The following AADAT variants were observed in gnomAD, a reference collection of about 807,000 sequenced individuals.
AADAT encodes the protein kynurenine/alpha-aminoadipate aminotransferase, mitochondrial.
AADAT carries 25 observed loss-of-function variants against 56.2 expected under a neutral mutation model. That is an observed-to-expected ratio of 0.44 (90% CI 0.32 to 0.62). AADAT has a LOEUF of 0.62. AADAT is among the 20% of genes least tolerant of loss of function. The probability of loss-of-function intolerance (pLI) is 0.04; values close to 1 mark genes in which losing one functional copy is unlikely to be tolerated. For synonymous variants in AADAT, 173 were observed against 164.7 expected, an observed-to-expected ratio of 1.05 and a Z score of -0.39; for missense variants, 387 against 510.5, an observed-to-expected ratio of 0.76 and a Z score of 2.33.
Position 170,089,844 on chromosome 4 carries a change from C to A in AADAT, c.-154G>T, listed in dbSNP as rs1032568418. ...TGCGTCTGGCTTCCCGCGCGCGGTGCCCGGAGAACGCCGCCGAAACTCCCC... is the reference window on the plus strand; with the variant it reads ...TGCGTCTGGCTTCCCGCGCGCGGTGACCGGAGAACGCCGCCGAAACTCCCC... On this transcript the variant is annotated 5_prime_UTR_variant, in exon 1 of 13. Transcript: ENST00000337664. 16 of 729,658 alleles carry A rather than the reference C, an allele frequency of 2.2e-5. No homozygotes were observed. Among genetic ancestry groups the A allele is most frequent in the Middle Eastern group, 5.1e-4 (2 of 3,886 alleles). 45.2% of individuals were successfully genotyped at this position (729,658 alleles called of 1,614,324 possible). A position where few individuals can be genotyped will look rare whatever the true frequency, so the allele number is the denominator to read the frequency against.
chr4:170,061,792 A>G, intron 12 of AADAT, 100 bp downstream of exon 12: 1 of 799,618 alleles, frequency 1.3e-6, no homozygotes, highest in Non-Finnish European at 1.8e-6. Context: ...TTAGAAACCC[A>G]AACAGATATT....
Position 170,067,369 on chromosome 4 carries a change from A to G in AADAT, c.920T>C (p.Leu307Pro). The change falls in exon 9 of 13, where the codon CTA (leucine) becomes CCA (proline). Residue 307 changes from leucine (L) to proline (P), a missense_variant. Physicochemically the swap from Leu to Pro is moderately conservative, Grantham distance 98. Coordinates refer to ENST00000337664, the MANE Select transcript of AADAT (RefSeq NM_016228.4). ...GAAACCTTCTTCTCCCCATTCGTGT[A>G]GAAGCTGTGATATCATGAGCTAAAA... ...TFNQLMISQL[L>P]HEWGEEGFMA... The G allele has an allele frequency of 6.2e-7, 1 of 1,613,566 alleles. No homozygotes were observed.
chr4:170,078,086 T>C (rs1242019220), intron 4 of AADAT, among the ~76,000 whole-genome samples: 1 of 152,148 alleles, frequency 6.6e-6, no homozygotes, highest in East Asian at 1.9e-4. Context: ...GGATCTAACC[T>C]TGGAATGGAA....
At chr4:170,071,200 A>G (rs1274463050) in intron 5 of AADAT, among the ~76,000 whole-genome samples, 1 of 152,244 alleles carries the variant, frequency 6.6e-6, no homozygotes, top group Admixed American at 6.5e-5. Context: ...GGCGTGAGCC[A>G]CTGCGCCCAG....
At chr4:170,062,159 AT>A (rs1731224377) in intron 11 of AADAT, among the ~76,000 whole-genome samples, 166 bp from the exon 12 acceptor site, 1 of 152,248 alleles carries the variant, frequency 6.6e-6, no homozygotes, top group Non-Finnish European at 1.5e-5. Flanking sequence ...ATGTCATACA[AT>A]GAACAAAACT....
intron 3 of AADAT, among the ~76,000 whole-genome samples, chr4:170,079,554 G>C (rs756434041): frequency 1.4e-4 from 22 of 152,164 alleles, no homozygotes; most frequent in Admixed American, 5.9e-4. Context: ...GAACAGGTAA[G>C]GGTCATCTTA....
intron 9 of AADAT, 147 bp from the exon 10 acceptor site, chr4:170,066,625 A>G: frequency 8.2e-6 from 5 of 607,432 alleles, no homozygotes; most frequent in Non-Finnish European, 8.8e-6. Flanking sequence ...TATTTGTTTC[A>G]CTTGTCTGGT....
chr4:170,088,928 C>T (rs1732698323), intron 1 of AADAT, among the ~76,000 whole-genome samples: 1 of 149,736 alleles, frequency 6.7e-6, no homozygotes, highest in Non-Finnish European at 1.5e-5. Flanking sequence ...TAAGGAAGGG[C>T]TCTCACCATG....
Position 170,066,482 on chromosome 4 carries a change from G to C in AADAT, c.963-4C>G. 1 of 1,611,222 alleles carries C rather than the reference G, an allele frequency of 6.2e-7. No individual in the cohort carries two copies. The highest frequency in any genetic ancestry group is 1.1e-5 in the South Asian group (1 of 91,014). On this transcript the variant is annotated splice_region_variant and splice_polypyrimidine_tract_variant and intron_variant, in intron 9 of 12. Coordinates refer to ENST00000337664, the MANE Select transcript of AADAT (RefSeq NM_016228.4). ...GTTACTATAGAAATCAATAACCCTA[G>C]AAAAAGAAAACAATGAAATGGATGT...
chr4:170,064,005 GA>G (rs971035342), intron 11 of AADAT, among the ~76,000 whole-genome samples: 13 of 149,326 alleles, frequency 8.7e-5, no homozygotes, highest in East Asian at 7.8e-4. Flanking sequence ...AATTTTAAGT[GA>G]AAAAAAAATC....
At chr4:170,088,267 A>C in intron 2 of AADAT, 129 bp downstream of exon 2, 1 of 963,110 alleles carries the variant, frequency 1.0e-6, no homozygotes, top group Non-Finnish European at 1.5e-6. Flanking sequence ...GAATGACCAA[A>C]TGGGTCAATG....
chr4:170,081,034 T>G (rs1203742232), intron 3 of AADAT, among the ~76,000 whole-genome samples: 1 of 152,156 alleles, frequency 6.6e-6, no homozygotes, highest in African/African-American at 2.4e-5. Context: ...TTAAGAAAAC[T>G]CAGTGATCTT....
chr4:170,064,189 C>A (rs942525575), intron 11 of AADAT, among the ~76,000 whole-genome samples: 2 of 152,132 alleles, frequency 1.3e-5, no homozygotes, highest in Admixed American at 6.5e-5. Context: ...TTCCAAATAT[C>A]CTACCACGAG....
intron 2 of AADAT, 90 bp downstream of exon 2, chr4:170,088,306 G>T (rs1197829448): frequency 1.5e-6 from 2 of 1,333,360 alleles, no homozygotes; most frequent in South Asian, 1.7e-5. Context: ...ATGGACCTTA[G>T]AATATTTCTT....
At chr4:170,068,556 A>AT in intron 8 of AADAT, 35 bp downstream of exon 8, 1 of 1,260,342 alleles carries the variant, frequency 7.9e-7, no homozygotes, top group African/African-American at 2.3e-5. Flanking sequence ...TAATCTGATT[A>AT]CAAAAAAAAA....
chr4:170,086,402 G>T (rs996087541), intron 3 of AADAT, among the ~76,000 whole-genome samples: 1 of 136,766 alleles, frequency 7.3e-6, no homozygotes, highest in Non-Finnish European at 1.5e-5. Flanking sequence ...GGGGGAGAGG[G>T]AGAGAGAACC....
At chr4:170,092,302 C>T (rs149810604), upstream of AADAT, among the ~76,000 whole-genome samples, 13 of 152,356 alleles carry the variant, frequency 8.5e-5, no homozygotes, top group African/African-American at 1.7e-4. Flanking sequence ...TGTGCAGTTT[C>T]TCTCCTGAGG....
intron 3 of AADAT, among the ~76,000 whole-genome samples, chr4:170,082,766 A>G (rs1422736535): frequency 6.6e-6 from 1 of 152,136 alleles, no homozygotes; most frequent in Non-Finnish European, 1.5e-5. Flanking sequence ...AAACCTAAAA[A>G]GAGTAGGTGT....
At chr4:170,085,615 G>C (rs1732522380) in intron 3 of AADAT, among the ~76,000 whole-genome samples, 1 of 152,086 alleles carries the variant, frequency 6.6e-6, no homozygotes, top group African/African-American at 2.4e-5. Context: ...CAACTTTCTG[G>C]AAGAAAAAGT....
Sources: allele counts gnomAD v4.1 joint callset (sites outside exome capture counted in the v4.1 genomes callset), GRCh38; gene constraint gnomAD v4.1.1; transcripts MANE v1.5; gene names NCBI Gene and HGNC (gene_info 2026-07-23, HGNC 2026-07-21).